Variants in MYT1L observed in about 807,000 individuals in gnomAD.
MYT1L encodes myelin transcription factor 1-like protein.
A neutral mutation model predicts 126.7 loss-of-function variants in MYT1L; 12 were observed. That is an observed-to-expected ratio of 0.09 (90% CI 0.06 to 0.15). The LOEUF is 0.15. MYT1L is among the 10% of genes least tolerant of loss of function. The pLI is 1.00. For missense variants in MYT1L, 979 were observed against 1,585.2 expected (o/e 0.62, Z 6.49); for synonymous variants, 541 against 604.2 (o/e 0.90, Z 1.53).
chr2:2,075,379 T>C (rs1451226685), intron 3 of MYT1L, among the ~76,000 whole-genome samples: 1 of 152,208 alleles, frequency 6.6e-6, no homozygotes, highest in Non-Finnish European at 1.5e-5. Context: ...CCTCACCATG[T>C]GCATGTCTTC....
At chr2:2,114,104 T>C (rs2079879099) in intron 3 of MYT1L, among the ~76,000 whole-genome samples, 1 of 152,246 alleles carries the variant, frequency 6.6e-6, no homozygotes. Context: ...AGAGGTTTTA[T>C]GTGTCAGATC....
chr2:2,152,219 T>C (rs1178663978), intron 3 of MYT1L, among the ~76,000 whole-genome samples: 1 of 152,234 alleles, frequency 6.6e-6, no homozygotes, highest in African/African-American at 2.4e-5. Flanking sequence ...GGGCAGCCAC[T>C]AGGGACGAAC....
chr2:2,327,757 A>G (rs1189940571), intron 1 of MYT1L, among the ~76,000 whole-genome samples: 2 of 152,216 alleles, frequency 1.3e-5, no homozygotes, highest in African/African-American at 2.4e-5. Context: ...CCAAACTGTA[A>G]GTGCAAAGCA....
chr2:2,097,863 T>C (rs1014227671), intron 3 of MYT1L, among the ~76,000 whole-genome samples: 3 of 152,112 alleles, frequency 2.0e-5, no homozygotes, highest in African/African-American at 4.8e-5. Flanking sequence ...TGGGAGGTGA[T>C]TGTATCACTG....
At chr2:1,961,224 G>A (rs2058932884) in intron 8 of MYT1L, among the ~76,000 whole-genome samples, 1 of 152,206 alleles carries the variant, frequency 6.6e-6, no homozygotes, top group Admixed American at 6.5e-5. Context: ...ACAGTACGCA[G>A]GTGACGGTTA....
intron 21 of MYT1L, among the ~76,000 whole-genome samples, chr2:1,814,571 CA>C (rs1247899125): frequency 1.3e-5 from 2 of 152,220 alleles, no homozygotes; most frequent in African/African-American, 4.8e-5. Flanking sequence ...GACATCATGT[CA>C]GTGATTTTTC....
At chr2:2,038,067 G>T (rs1336343001) in intron 4 of MYT1L, among the ~76,000 whole-genome samples, 1 of 152,164 alleles carries the variant, frequency 6.6e-6, no homozygotes, top group Non-Finnish European at 1.5e-5. Context: ...TGCAGACGTA[G>T]CATGGGTTCA....
At chr2:2,063,230 T>A (rs2070767568) in intron 3 of MYT1L, among the ~76,000 whole-genome samples, 1 of 152,254 alleles carries the variant, frequency 6.6e-6, no homozygotes, top group Admixed American at 6.5e-5. Flanking sequence ...ATGTAGCTTC[T>A]CTTCTGTGAC....
At chr2:1,850,605 T>C (rs79703900) in intron 19 of MYT1L, among the ~76,000 whole-genome samples, 6,982 of 152,234 alleles carry the variant, frequency 0.046, 223 homozygotes, top group South Asian at 0.11. Flanking sequence ...CTGGGTCCTT[T>C]ACTAGAATGC....
chr2:1,830,675 T>G (rs6722698), intron 21 of MYT1L, among the ~76,000 whole-genome samples: 2 of 151,964 alleles, frequency 1.3e-5, no homozygotes, highest in South Asian at 4.1e-4. Flanking sequence ...TGAGGCAGCT[T>G]GGGATGGCTA....
At position 1,877,679 on chromosome 2, in the gene MYT1L, G is replaced by A. The variant is rs114103904; in HGVS notation, c.2711+8860C>T. On this transcript the variant is annotated intron_variant, in intron 18 of 24. Coordinates refer to ENST00000647738, the MANE Select transcript of MYT1L (RefSeq NM_001303052.2). The stretch of plus-strand genomic sequence containing the variant: ...CTGCTCGCACGCCTGTGCTGGGACA[G>A]GCAGGGGTTCCGGGCGCGGCCATGG... Among the ~76,000 whole-genome samples the A allele has an allele frequency of 4.2e-3, 642 of 152,280 alleles. 6 individuals are homozygous for A. The highest frequency in any genetic ancestry group is 0.015 in the African/African-American group (609 of 41,548).
intron 24 of MYT1L, 133 bp from the exon 25 acceptor site, chr2:1,792,140 T>A: frequency 8.4e-7 from 1 of 1,193,126 alleles, no homozygotes; most frequent in Non-Finnish European, 1.1e-6. Flanking sequence ...AGAGCACACT[T>A]AAGTTTCTGG....
rs1477701213 is a variant in MYT1L, at chr2:2,004,371, CTTCTTTCCTGCAGGCG to C, written c.-157-7040_-157-7025del. 7.1e-3 allele frequency among the ~76,000 whole-genome samples: 858 copies of C among 120,784 alleles called. 15 individuals carry two copies. Among genetic ancestry groups the C allele is most frequent in the Non-Finnish European group, 0.011 (666 of 58,212 alleles). 79.2% of individuals were successfully genotyped at this position (120,784 alleles called of 152,430 possible). A position where few individuals can be genotyped will look rare whatever the true frequency, so the allele number is the denominator to read the frequency against. ...CCTGCGTGCCTTCTTTCCTGTGTGCCTTCTTTCCTGCAGGCGTTCTTTCCTGCATGCGTTCTTTCCT... is the reference window on the plus strand; with the variant it reads ...CCTGCGTGCCTTCTTTCCTGTGTGCCTTCTTTCCTGCATGCGTTCTTTCCT... On this transcript the variant is annotated intron_variant, in intron 4 of 24. Transcript: ENST00000647738.
chr2:1,794,359 G>A (rs961618997), intron 23 of MYT1L, among the ~76,000 whole-genome samples: 4 of 152,216 alleles, frequency 2.6e-5, no homozygotes, highest in Non-Finnish European at 5.9e-5. Flanking sequence ...ATCCTAGCCA[G>A]GCAAAGTGTG....
At chr2:2,218,189 A>G (rs1469133803) in intron 2 of MYT1L, among the ~76,000 whole-genome samples, 2 of 152,226 alleles carry the variant, frequency 1.3e-5, no homozygotes, top group African/African-American at 4.8e-5. Context: ...CTCCTGCTCT[A>G]TGAACTTGTC....
chr2:1,902,973 A>G, intron 14 of MYT1L, 107 bp downstream of exon 14: 1 of 1,037,064 alleles, frequency 9.6e-7, no homozygotes, highest in African/African-American at 1.6e-5. Flanking sequence ...TTTGGTACCC[A>G]TTGAGTGACC....
chr2:1,923,603 T>G (rs1426556293), intron 9 of MYT1L, among the ~76,000 whole-genome samples: 1 of 152,268 alleles, frequency 6.6e-6, no homozygotes, highest in Non-Finnish European at 1.5e-5. Flanking sequence ...ATTGGCTTGC[T>G]TTATCTATAG....
intron 3 of MYT1L, among the ~76,000 whole-genome samples, chr2:2,163,732 C>A (rs111259560): frequency 0.044 from 6,575 of 148,766 alleles, 219 homozygotes; most frequent in Non-Finnish European, 0.068. Flanking sequence ...AGTGAGACTC[C>A]GTCTCAGAAA....
chr2:1,928,914 G>A (rs551317061), intron 9 of MYT1L, among the ~76,000 whole-genome samples: 1 of 152,136 alleles, frequency 6.6e-6, no homozygotes, highest in Non-Finnish European at 1.5e-5. Context: ...TGGGAAGCCT[G>A]AGGGATCTGC....
Sources: allele counts gnomAD v4.1 joint callset (sites outside exome capture counted in the v4.1 genomes callset), GRCh38; gene constraint gnomAD v4.1.1; transcripts MANE v1.5; gene names NCBI Gene and HGNC (gene_info 2026-07-23, HGNC 2026-07-21).